TRIM51: variants seen among roughly 807,000 people sequenced by gnomAD.
TRIM51 encodes tripartite motif-containing protein 51.
Under a neutral mutation model 32.7 loss-of-function variants are expected in TRIM51, and 23 were observed. That is an observed-to-expected ratio of 0.70 (90% CI 0.51 to 1.00). The LOEUF (loss-of-function observed/expected upper bound fraction) is 1.00. Among genes scored for constraint, TRIM51 ranks in the 50% least tolerant of loss-of-function variants. The pLI, the probability that TRIM51 is intolerant of heterozygous loss-of-function variation, is 0.00. For missense variants in TRIM51, 592 were observed against 539.2 expected (o/e 1.10, Z -0.97); for synonymous variants, 177 against 181.9 (o/e 0.97, Z 0.22).
rs1398151270 is a variant in TRIM51 at position 55,885,641 on chromosome 11, G to A, written c.213G>A (p.Lys71=). ...ACCTCAACACTGACATTTGTTTGAA[G>A]AACATGGCTTTCATTGCCAGAAAAG... ...QRNLNTDICL[K]NMAFIARKAS... The change falls in exon 2 of 7, where the codon AAG becomes AAA. Residue 71 remains lysine, a synonymous_variant. Transcript: ENST00000449290. The A allele has an allele frequency of 6.8e-6, 11 of 1,610,594 alleles. No homozygotes were observed. The African/African-American group carries it at 9.4e-5, about 14-fold the overall frequency.
rs200588065 is a variant in TRIM51, at chr11:55,891,241, G to C, written c.968G>C (p.Gly323Ala). 1,891 of 1,606,866 alleles carry C rather than the reference G, an allele frequency of 1.2e-3. 21 individuals carry two copies. The East Asian group carries it at 0.02, about 17-fold the overall frequency. ...CDPQDDPDITGKSECFLVWGA... is the reference protein window; with the variant it reads ...CDPQDDPDITAKSECFLVWGA... ...CCTCAAGATGATCCCGATATCACTG[G>C]AAAATCTGAATGTTTTCTTGTATGG... The change falls in exon 7 of 7, where the codon GGA (glycine) becomes GCA (alanine). Residue 323 changes from glycine to alanine, a missense_variant. By Grantham distance (60) the Gly-to-Ala change is moderately conservative. Transcript: ENST00000449290.
chr11:55,888,846 G>C lies in TRIM51; in HGVS notation c.739-133G>C, dbSNP rs995000244. On this transcript the variant is annotated intron_variant, in intron 4 of 6. Coordinates refer to ENST00000449290, the MANE Select transcript of TRIM51 (RefSeq NM_032681.4). Reference sequence around the variant, plus strand: ...TGGGATTGTCATGAGAAAAGAAACAGAAAATGCTTTCCAGGAGGGAACATT... The same window carrying C: ...TGGGATTGTCATGAGAAAAGAAACACAAAATGCTTTCCAGGAGGGAACATT... 3.7e-6 allele frequency: 3 copies of C among 815,810 alleles called. No individual in the cohort carries two copies. The Admixed American group carries it at 5.9e-5, about 16-fold the overall frequency. 50.5% of individuals were successfully genotyped at this position (815,810 alleles called of 1,614,324 possible). A position where few individuals can be genotyped will look rare whatever the true frequency, so the allele number is the denominator to read the frequency against.
At chr11:55,887,964 A>G in intron 3 of TRIM51, 68 bp from the exon 4 acceptor site, 7 of 1,148,370 alleles carry the variant, frequency 6.1e-6, no homozygotes, top group Non-Finnish European at 9.1e-6. Flanking sequence ...TTAGAATGCT[A>G]AGAGGAATCA....
chr11:55,891,284 A>C lies in TRIM51; in HGVS notation c.1011A>C (p.Thr337=). Residue 337 remains threonine, a synonymous_variant, in exon 7 of 7, where the codon ACA becomes ACC. Transcript: ENST00000449290. Reference sequence around the variant, plus strand: ...TTGTATGGGGGGCTCAGGCTTTCACATCTGGCAAATATTATTGGGAGGTTC... The same window carrying C: ...TTGTATGGGGGGCTCAGGCTTTCACCTCTGGCAAATATTATTGGGAGGTTC... The part of the protein sequence containing the change: ...CFLVWGAQAF[T]SGKYYWEVHM... 1.9e-6 allele frequency: 3 copies of C among 1,610,596 alleles called. No homozygotes were observed. Among genetic ancestry groups the C allele is most frequent in the Non-Finnish European group, 2.5e-6 (3 of 1,179,758 alleles).
rs369910713 is a variant in TRIM51 at position 55,890,033 on chromosome 11, T to A, written c.853T>A (p.Phe285Ile). The A allele has an allele frequency of 4.3e-6, 7 of 1,611,176 alleles. No individual in the cohort carries two copies. Among genetic ancestry groups the A allele is most frequent in the Non-Finnish European group, 5.9e-6 (7 of 1,177,740 alleles). Reference protein sequence around the residue: ...ITGLLDSLSGFRVDFTLQPER... With the variant: ...ITGLLDSLSGIRVDFTLQPER... The stretch of plus-strand genomic sequence containing the variant: ...TGGACTGCTGGACAGCCTCAGTGGA[T>A]TCAGAGGTGAGTGTCAGCCCATTGG... Residue 285 changes from phenylalanine to isoleucine, a missense_variant, in exon 6 of 7, where the codon TTC becomes ATC. By Grantham distance (21) the Phe-to-Ile change is conservative. Coordinates refer to ENST00000449290, the MANE Select transcript of TRIM51 (RefSeq NM_032681.4).
At position 55,885,490 on chromosome 11, in the gene TRIM51, A is replaced by G; in HGVS notation, c.62A>G (p.Tyr21Cys). The change falls in exon 2 of 7, where the codon TAC becomes TGC. Residue 21 changes from tyrosine to cysteine, a missense_variant. Physicochemically the swap from Tyr to Cys is radical, Grantham distance 194. Transcript: ENST00000449290. The stretch of plus-strand genomic sequence containing the variant: ...CTCACCTGTCCCATCTGCATGAACT[A>G]CTTCCTAGACCCAGTCACCATAGAC... Reference protein sequence around the residue: ...RALTCPICMNYFLDPVTIDCG... With the variant: ...RALTCPICMNCFLDPVTIDCG... The G allele has an allele frequency of 1.2e-6, 2 of 1,611,990 alleles. No homozygotes were observed. Among genetic ancestry groups the G allele is most frequent in the East Asian group, 2.2e-5 (1 of 44,866 alleles).
intron 3 of TRIM51, among the ~76,000 whole-genome samples, chr11:55,887,334 G>T (rs1169884222): frequency 2.0e-5 from 3 of 148,530 alleles, no homozygotes; most frequent in East Asian, 3.9e-4. Flanking sequence ...TACATTTGAG[G>T]AATATATATA....
chr11:55,886,293 A>G lies in TRIM51; in HGVS notation c.507+75A>G, dbSNP rs532908776. 2.3e-5 allele frequency: 26 copies of G among 1,144,886 alleles called. No homozygotes were observed. The African/African-American group carries it at 3.6e-4, about 16-fold the overall frequency. The allele number at this position is 1,144,886 out of a possible 1,614,324, so 70.9% of individuals were successfully genotyped here. A position where few individuals can be genotyped will look rare whatever the true frequency, so the allele number is the denominator to read the frequency against. On this transcript the variant is annotated intron_variant, in intron 3 of 6. Transcript: ENST00000449290. Reference sequence around the variant, plus strand: ...GGGTGACTCTTAAAATAGGAACTTGATCTCAACCCATAATGTTTCTGGAAT... The same window carrying G: ...GGGTGACTCTTAAAATAGGAACTTGGTCTCAACCCATAATGTTTCTGGAAT...
chr11:55,885,538 C>T lies in TRIM51; in HGVS notation c.110C>T (p.Pro37Leu). The T allele has an allele frequency of 1.9e-6, 3 of 1,612,006 alleles. No individual in the cohort carries two copies. Among genetic ancestry groups the T allele is most frequent in the Non-Finnish European group, 2.5e-6 (3 of 1,179,772 alleles). Residue 37 changes from proline to leucine, a missense_variant, in exon 2 of 7, where the codon CCC becomes CTC. Pro to Leu is a moderately conservative substitution (Grantham distance 98, BLOSUM62 -3). Coordinates refer to ENST00000449290, the MANE Select transcript of TRIM51 (RefSeq NM_032681.4). ...GACTGTGGGCACAGCTTTTGCCGGC[C>T]CTGTTTGTACCTCAACTGGCAAGAC... ...TIDCGHSFCRPCLYLNWQDTA... is the reference protein window; with the variant it reads ...TIDCGHSFCRLCLYLNWQDTA...
chr11:55,888,961 A>AAT lies in TRIM51; in HGVS notation c.739-18_739-17insAT, dbSNP rs1854612959. On this transcript the variant is annotated splice_polypyrimidine_tract_variant and intron_variant, in intron 4 of 6. Coordinates refer to ENST00000449290, the MANE Select transcript of TRIM51 (RefSeq NM_032681.4). ...CTTGTGGAAAGCGCTAAGCCTTTCT[A>AAT]TTTTTTTTTTTTTACAGGCTTTTGG... The AAT allele has an allele frequency of 1.1e-6, 1 of 898,374 alleles. No homozygotes were observed. Among genetic ancestry groups the AAT allele is most frequent in the Non-Finnish European group, 1.6e-6 (1 of 640,104 alleles). The allele number at this position is 898,374 out of a possible 1,614,324, so 55.7% of individuals were successfully genotyped here. A position where few individuals can be genotyped will look rare whatever the true frequency, so the allele number is the denominator to read the frequency against.
rs533307242 is a variant in TRIM51 at position 55,891,251 on chromosome 11, A to G, written c.978A>G (p.Glu326=). The change falls in exon 7 of 7, where the codon GAA becomes GAG. Residue 326 remains glutamate (E), a synonymous_variant. Coordinates refer to ENST00000449290, the MANE Select transcript of TRIM51 (RefSeq NM_032681.4). ...QDDPDITGKS[E]CFLVWGAQAF... ...ATCCCGATATCACTGGAAAATCTGA[A>G]TGTTTTCTTGTATGGGGGGCTCAGG... 96 of 1,607,962 alleles carry G rather than the reference A, an allele frequency of 6.0e-5. No homozygotes were observed. The highest frequency in any genetic ancestry group is 8.0e-5 in the Non-Finnish European group (94 of 1,179,724).
Position 55,886,233 on chromosome 11 carries a change from ACT to A in TRIM51, c.507+18_507+19del, listed in dbSNP as rs1389260711. ...GATGCTGGAAGGTTAGTACCGTATG[ACT>A]CTACCTTCTCCGGGAACTTATAGTG... On this transcript the variant is annotated intron_variant, in intron 3 of 6. Transcript: ENST00000449290. The A allele has an allele frequency of 1.3e-6, 2 of 1,595,268 alleles. No individual in the cohort carries two copies. The highest frequency in any genetic ancestry group is 1.7e-5 in the Admixed American group (1 of 59,778).
intron 1 of TRIM51, 69 bp downstream of exon 1, chr11:55,883,453 ATATC>A (rs1854536076): frequency 6.6e-6 from 1 of 152,228 alleles, no homozygotes; most frequent in African/African-American, 2.4e-5. Flanking sequence ...AGTGATAAAA[ATATC>A]TAACTGTCTA....
intron 3 of TRIM51, among the ~76,000 whole-genome samples, chr11:55,887,388 T>C (rs1031275200): frequency 6.6e-5 from 10 of 151,658 alleles, no homozygotes; most frequent in South Asian, 2.1e-4. Flanking sequence ...TATATCCATA[T>C]ATACCTATAT....
chr11:55,885,181 G>T (rs1854559470), intron 1 of TRIM51, among the ~76,000 whole-genome samples: 1 of 152,130 alleles, frequency 6.6e-6, no homozygotes, highest in Non-Finnish European at 1.5e-5. Context: ...GAACAGATTT[G>T]CATTATGCTA....
chr11:55,891,706 T>C lies in TRIM51; in HGVS notation c.*74T>C. On this transcript the variant is annotated 3_prime_UTR_variant, in exon 7 of 7. Coordinates refer to ENST00000449290, the MANE Select transcript of TRIM51 (RefSeq NM_032681.4). ...CCCAGAAAGCCCTCTTTTTCGCACC[T>C]CATCAAACAGAACAAATAAGTTATA... 6.6e-7 allele frequency: 1 copy of C among 1,522,716 alleles called. No homozygotes were observed. The highest frequency in any genetic ancestry group is 1.2e-5 in the South Asian group (1 of 85,664). 94.3% of individuals were successfully genotyped at this position (1,522,716 alleles called of 1,614,324 possible).
intron 3 of TRIM51, 85 bp downstream of exon 3, chr11:55,886,303 A>G: frequency 4.6e-6 from 5 of 1,080,320 alleles, no homozygotes; most frequent in Non-Finnish European, 5.6e-6. Context: ...ATCTCAACCC[A>G]TAATGTTTCT....
intron 6 of TRIM51, 68 bp downstream of exon 6, chr11:55,890,107 T>C (rs1854629891): frequency 1.8e-6 from 2 of 1,081,338 alleles, no homozygotes; most frequent in Admixed American, 2.1e-5. Context: ...GGGGGTAGTA[T>C]TTTACCCTTC....
At chr11:55,884,182 T>TAC (rs1554987886) in intron 1 of TRIM51, among the ~76,000 whole-genome samples, 1,312 of 109,606 alleles carry the variant, frequency 0.012, 91 homozygotes, top group African/African-American at 0.038. Flanking sequence ...TATATATATA[T>TAC]ACACATACCA....
Sources: allele counts gnomAD v4.1 joint callset (sites outside exome capture counted in the v4.1 genomes callset), GRCh38; gene constraint gnomAD v4.1.1; transcripts MANE v1.5; gene names NCBI Gene and HGNC (gene_info 2026-07-23, HGNC 2026-07-21).